KIF1C: variants seen among roughly 807,000 people sequenced by gnomAD.
The protein encoded by KIF1C is kinesin family member 1C.
KIF1C carries 61 observed loss-of-function variants against 126.5 expected under a neutral mutation model. That is an observed-to-expected ratio of 0.48 (90% confidence interval 0.39 to 0.60). The LOEUF (loss-of-function observed/expected upper bound fraction) is 0.60, where lower values mean the gene tolerates loss of function less well. Ranked by LOEUF, KIF1C falls within the 20% of genes least tolerant of loss-of-function variation. The pLI is 0.00. For synonymous variants in KIF1C, 640 were observed against 580.6 expected, an observed-to-expected ratio of 1.10 and a Z score of -1.47; for missense variants, 1,315 against 1,489.2, an observed-to-expected ratio of 0.88 and a Z score of 1.93.
rs982888800 is a variant in KIF1C at position 4,998,126 on chromosome 17, C to T, written c.-179C>T. 6.6e-6 allele frequency: 1 copy of T among 152,238 alleles called. No individual in the cohort carries two copies. The highest frequency in any genetic ancestry group is 2.4e-5 in the African/African-American group (1 of 41,440). The allele number at this position is 152,238 out of a possible 1,614,324, so 9.4% of individuals were successfully genotyped here. On this transcript the variant is annotated 5_prime_UTR_variant, in exon 1 of 23. Coordinates refer to ENST00000320785, the MANE Select transcript of KIF1C (RefSeq NM_006612.6). ...TCCCGGAAAGCTTGTCCCTCTCCGCCGAGCTGCTCCGGGAGCCCCGCCGCG... is the reference window on the plus strand; with the variant it reads ...TCCCGGAAAGCTTGTCCCTCTCCGCTGAGCTGCTCCGGGAGCCCCGCCGCG...
chr17:5,022,043 G>A lies in KIF1C; in HGVS notation c.2011-49G>A, dbSNP rs1171471537. The A allele has an allele frequency of 1.9e-6, 3 of 1,540,442 alleles. No individual in the cohort carries two copies. Among genetic ancestry groups the A allele is most frequent in the Admixed American group, 1.9e-5 (1 of 52,968 alleles). On this transcript the variant is annotated intron_variant, in intron 21 of 22. Coordinates refer to ENST00000320785, the MANE Select transcript of KIF1C (RefSeq NM_006612.6). The surrounding 1 kb of genome is among the most constrained non-coding windows in gnomAD (Gnocchi z 4.9). ...GGACACACTGGGCCAAGACACATGGGCTCTGGATGTCCTTAGCCCTCTCTT... is the reference window on the plus strand; with the variant it reads ...GGACACACTGGGCCAAGACACATGGACTCTGGATGTCCTTAGCCCTCTCTT...
chr17:5,014,552 C>T (rs1292511096), intron 17 of KIF1C, among the ~76,000 whole-genome samples, 191 bp from the exon 18 acceptor site: 1 of 152,186 alleles, frequency 6.6e-6, no homozygotes, highest in Non-Finnish European at 1.5e-5. Flanking sequence ...GACCTGGGCT[C>T]AGATCCCAGC....
intron 13 of KIF1C, among the ~76,000 whole-genome samples, chr17:5,005,912 A>G (rs1390821194): frequency 6.6e-6 from 1 of 151,516 alleles, no homozygotes; most frequent in African/African-American, 2.4e-5. Context: ...TTTTTAGTAG[A>G]GACGGGGGTT....
rs1486847066 is a variant in KIF1C at position 5,028,331 on chromosome 17, T to C, written c.*4180T>C. 1 of 152,188 alleles carries C rather than the reference T, an allele frequency of 6.6e-6. No homozygotes were observed. Among genetic ancestry groups the C allele is most frequent in the East Asian group, 1.9e-4 (1 of 5,202 alleles). 9.4% of individuals were successfully genotyped at this position (152,188 alleles called of 1,614,324 possible). A position where few individuals can be genotyped will look rare whatever the true frequency, so the allele number is the denominator to read the frequency against. On this transcript the variant is annotated 3_prime_UTR_variant, in exon 23 of 23. Transcript: ENST00000320785. ...ATACCGACATATGTTGGTTATTCTT[T>C]TAGACATGTTTTTTGTTGTTGTTGT...
In KIF1C at chr17:5,020,379, T is replaced by G. The variant is rs1975060827; in HGVS notation, c.1751-113T>G. 1 of 1,088,884 alleles carries G rather than the reference T, an allele frequency of 9.2e-7. No individual in the cohort carries two copies. The allele number at this position is 1,088,884 out of a possible 1,614,324, so 67.5% of individuals were successfully genotyped here. On this transcript the variant is annotated intron_variant, in intron 19 of 22. Transcript: ENST00000320785. This position sits in a 1 kb window ranked among gnomAD's most constrained non-coding sequence, Gnocchi z 5.8. ...GCTCCAACTGCCTTCAGACTTGGGG[T>G]GATGAAGGGGAGGGTGTCACAGCCC...
intron 18 of KIF1C, among the ~76,000 whole-genome samples, chr17:5,017,956 C>T (rs1272387333): frequency 2.0e-5 from 3 of 151,960 alleles, no homozygotes; most frequent in Non-Finnish European, 2.9e-5. Context: ...CTGCATAACA[C>T]GTATTCCCTC....
At position 5,000,829 on chromosome 17, in the gene KIF1C, C is replaced by A; in HGVS notation, c.164C>A (p.Ser55Tyr). 1 of 1,614,060 alleles carries A rather than the reference C, an allele frequency of 6.2e-7. No individual in the cohort carries two copies. The change falls in exon 4 of 23, where the codon TCC becomes TAC. Residue 55 changes from serine (S) to tyrosine (Y), a missense_variant. Around this residue, in one of 2 missense-constraint regions of KIF1C, gnomAD observed 874 missense variants for 1,053.2 expected, o/e 0.83. Transcript: ENST00000320785. ...CCCAAAAGCTTCACCTTTGACTACT[C>A]CTACTGGTCACACACTTCGGTGGGT... The part of the protein sequence containing the change: ...DAPKSFTFDY[S>Y]YWSHTSTEDP...
intron 4 of KIF1C, 109 bp from the exon 5 acceptor site, chr17:5,001,113 G>T: frequency 8.4e-7 from 1 of 1,193,532 alleles, no homozygotes; most frequent in Non-Finnish European, 1.2e-6. Context: ...AGGGCACACA[G>T]GACATTTGGG....
chr17:5,007,557 G>T lies in KIF1C; in HGVS notation c.1491+15G>T. On this transcript the variant is annotated intron_variant, in intron 16 of 22. Transcript: ENST00000320785. ...CTCCAAAGAAGGTGAGTGAGGAATC[G>T]AGCGAGGAGGCCTAGAGAGCTCTCT... is the stretch of plus-strand genomic sequence containing the variant. 6.5e-7 allele frequency: 1 copy of T among 1,537,680 alleles called. No individual in the cohort carries two copies. The highest frequency in any genetic ancestry group is 1.4e-5 in the African/African-American group (1 of 72,370).
rs139193517 is a variant in KIF1C at position 5,009,159 on chromosome 17, C to T, written c.1491+1617C>T. On this transcript the variant is annotated intron_variant, in intron 16 of 22. Coordinates refer to ENST00000320785, the MANE Select transcript of KIF1C (RefSeq NM_006612.6). Reference sequence around the variant, plus strand: ...CCATCCTTCCCACCCTTAAGTTTCCCCTCAGAGGCAGCCTTCATTATGAGT... The same window carrying T: ...CCATCCTTCCCACCCTTAAGTTTCCTCTCAGAGGCAGCCTTCATTATGAGT... Among the ~76,000 whole-genome samples the T allele has an allele frequency of 1.5e-4, 23 of 150,716 alleles. No individual in the cohort carries two copies. In the East Asian group the frequency reaches 3.9e-3, roughly 25 times the overall value.
In KIF1C at chr17:5,020,294, C is replaced by G. The variant is rs1251765854; in HGVS notation, c.1751-198C>G. On this transcript the variant is annotated intron_variant, in intron 19 of 22. Coordinates refer to ENST00000320785, the MANE Select transcript of KIF1C (RefSeq NM_006612.6). This position sits in a 1 kb window ranked among gnomAD's most constrained non-coding sequence, Gnocchi z 5.8. The stretch of plus-strand genomic sequence containing the variant: ...ACAGGAAGAGGATGCCAAGCTCTTG[C>G]AATTCCCTTTGGTTGACAAGAATGG... Among the ~76,000 whole-genome samples, 1 of 152,204 alleles carries G rather than the reference C, an allele frequency of 6.6e-6. No homozygotes were observed. The highest frequency in any genetic ancestry group is 1.5e-5 in the Non-Finnish European group (1 of 68,040).
intron 16 of KIF1C, among the ~76,000 whole-genome samples, chr17:5,011,019 C>A (rs915391484): frequency 6.6e-6 from 1 of 152,038 alleles, no homozygotes; most frequent in African/African-American, 2.4e-5. Flanking sequence ...GGGTAACATA[C>A]AAGAGAGCCC....
intron 16 of KIF1C, among the ~76,000 whole-genome samples, chr17:5,010,895 C>T (rs1216859527): frequency 6.6e-6 from 1 of 151,202 alleles, no homozygotes; most frequent in East Asian, 2.0e-4. Context: ...ACTGCAAGCT[C>T]CGCCTCCCGG....
In KIF1C at chr17:5,022,721, C is replaced by G; in HGVS notation, c.2628+12C>G. 1 of 1,508,582 alleles carries G rather than the reference C, an allele frequency of 6.6e-7. No homozygotes were observed. Among genetic ancestry groups the G allele is most frequent in the Non-Finnish European group, 8.8e-7 (1 of 1,132,432 alleles). 93.4% of individuals were successfully genotyped at this position (1,508,582 alleles called of 1,614,324 possible). A position where few individuals can be genotyped will look rare whatever the true frequency, so the allele number is the denominator to read the frequency against. On this transcript the variant is annotated intron_variant, in intron 22 of 22. Coordinates refer to ENST00000320785, the MANE Select transcript of KIF1C (RefSeq NM_006612.6). The surrounding 1 kb of genome is among the most constrained non-coding windows in gnomAD (Gnocchi z 4.9). ...TCCCCCTGGCCCAGGTAGGACTGGC[C>G]TTCTGCCTCCCTTCTCTCCTCCCTC...
rs1350098672 is a variant in KIF1C at position 5,002,059 on chromosome 17, C to T, written c.364C>T (p.Leu122Phe). 2 of 1,613,782 alleles carry T rather than the reference C, an allele frequency of 1.2e-6. No homozygotes were observed. The highest frequency in any genetic ancestry group is 1.1e-5 in the South Asian group (1 of 91,088). The change falls in exon 6 of 23, where the codon CTC becomes TTC. Residue 122 changes from leucine to phenylalanine, a missense_variant and splice_region_variant. Physicochemically the swap from Leu to Phe is conservative, Grantham distance 22. Transcript: ENST00000320785. ...TGTATTTCCCTGTGTCCCCCTCCAG[C>T]TCTGTGAGGACCTCTTCTCTCGCGT... ...EPGQQGIVPQLCEDLFSRVSE... is the reference protein window; with the variant it reads ...EPGQQGIVPQFCEDLFSRVSE...
At chr17:5,017,742 C>T (rs1228533542) in intron 18 of KIF1C, among the ~76,000 whole-genome samples, 1 of 151,938 alleles carries the variant, frequency 6.6e-6, no homozygotes, top group Non-Finnish European at 1.5e-5. Context: ...TCTCACACAG[C>T]TCACAGGTGA....
Position 5,023,122 on chromosome 17 carries a change from C to T in KIF1C, c.2629-346C>T, listed in dbSNP as rs2143391010. Among the ~76,000 whole-genome samples, 1 of 152,336 alleles carries T rather than the reference C, an allele frequency of 6.6e-6. No homozygotes were observed. Among genetic ancestry groups the T allele is most frequent in the African/African-American group, 2.4e-5 (1 of 41,572 alleles). ...TTCCGCCTCCCAGGTTCAAGCCATTCTCCTGCCTCAGCCTCCTGAGTAGCT... is the reference window on the plus strand; with the variant it reads ...TTCCGCCTCCCAGGTTCAAGCCATTTTCCTGCCTCAGCCTCCTGAGTAGCT... On this transcript the variant is annotated intron_variant, in intron 22 of 22. Transcript: ENST00000320785. This position sits in a 1 kb window ranked among gnomAD's most constrained non-coding sequence, Gnocchi z 4.2.
At chr17:5,012,419 C>T (rs879612273) in intron 16 of KIF1C, among the ~76,000 whole-genome samples, 1 of 151,962 alleles carries the variant, frequency 6.6e-6, no homozygotes, top group Non-Finnish European at 1.5e-5. Flanking sequence ...GTCAGGGATG[C>T]AGGAGGCCTA....
At chr17:5,014,017 A>G (rs1974921763) in intron 17 of KIF1C, among the ~76,000 whole-genome samples, 1 of 152,186 alleles carries the variant, frequency 6.6e-6, no homozygotes, top group Non-Finnish European at 1.5e-5. Context: ...CCCTGATGCC[A>G]TTGCCTTGGC....
Sources: allele counts gnomAD v4.1 joint callset (sites outside exome capture counted in the v4.1 genomes callset), GRCh38; gene constraint gnomAD v4.1.1; regional missense constraint gnomAD v4.1.1; non-coding constraint Gnocchi (gnomAD v3.1); transcripts MANE v1.5; gene names NCBI Gene and HGNC (gene_info 2026-07-23, HGNC 2026-07-21).